The following MAN2A1 variants were observed in gnomAD, a reference collection of about 807,000 sequenced individuals.
MAN2A1 encodes the protein alpha-mannosidase 2.
Under a neutral mutation model 142.6 loss-of-function variants are expected in MAN2A1, and 76 were observed. The observed-to-expected ratio is 0.53, with a 90% CI of 0.44 to 0.65. The LOEUF is 0.65. Among genes scored for constraint, MAN2A1 ranks in the 30% least tolerant of loss-of-function variants. The pLI, the probability that MAN2A1 is intolerant of heterozygous loss-of-function variation, is 0.00. For synonymous variants in MAN2A1, 559 were observed against 473.2 expected (o/e 1.18, Z -2.35); for missense variants, 1,311 against 1,365.1 (o/e 0.96, Z 0.62).
chr5:109,734,277 C>A (rs551154891), intron 4 of MAN2A1, among the ~76,000 whole-genome samples: 14 of 147,436 alleles, frequency 9.5e-5, no homozygotes, highest in African/African-American at 2.8e-4. Context: ...GTCTTGCTAG[C>A]GGTCTATCAA....
At chr5:109,727,409 G>T (rs1010260795) in intron 3 of MAN2A1, among the ~76,000 whole-genome samples, 1 of 151,872 alleles carries the variant, frequency 6.6e-6, no homozygotes, top group African/African-American at 2.4e-5. Context: ...GTAGGATTAG[G>T]GCGTATCTTC....
At chr5:109,733,766 G>T in intron 4 of MAN2A1, among the ~76,000 whole-genome samples, 1 of 152,172 alleles carries the variant, frequency 6.6e-6, no homozygotes, top group East Asian at 1.9e-4. Flanking sequence ...CGGTTTGCCA[G>T]TATTTTATTG....
chr5:109,761,998 G>A (rs566317103), intron 5 of MAN2A1, among the ~76,000 whole-genome samples: 31 of 152,042 alleles, frequency 2.0e-4, no homozygotes, highest in East Asian at 1.9e-3. Context: ...TGGGAAAATA[G>A]GAAAAAATAA....
chr5:109,716,071 T>C, intron 2 of MAN2A1, 49 bp from the exon 3 acceptor site: 1 of 1,313,630 alleles, frequency 7.6e-7, no homozygotes. Context: ...TTTACCAACA[T>C]TAAATTAATA....
intron 16 of MAN2A1, among the ~76,000 whole-genome samples, chr5:109,834,151 A>G (rs1027487582): frequency 1.3e-5 from 2 of 152,188 alleles, no homozygotes; most frequent in Non-Finnish European, 2.9e-5. Context: ...AACAGGAAGT[A>G]GGTAAGTTCA....
At chr5:109,750,471 C>T (rs1006398769) in intron 4 of MAN2A1, among the ~76,000 whole-genome samples, 2 of 151,950 alleles carry the variant, frequency 1.3e-5, no homozygotes, top group Non-Finnish European at 2.9e-5. Context: ...GATTATTCTA[C>T]CAGGTATCAT....
chr5:109,742,191 G>C (rs1752286841), intron 4 of MAN2A1, among the ~76,000 whole-genome samples: 1 of 152,290 alleles, frequency 6.6e-6, no homozygotes, highest in South Asian at 2.1e-4. Flanking sequence ...TATTGCATCT[G>C]CTCTTGCTAT....
intron 4 of MAN2A1, among the ~76,000 whole-genome samples, chr5:109,749,748 A>C (rs1489012354): frequency 1.3e-5 from 2 of 152,048 alleles, no homozygotes. Context: ...ATTTTAATTT[A>C]AATTCTAATG....
intron 3 of MAN2A1, among the ~76,000 whole-genome samples, chr5:109,719,566 T>C (rs1057273369): frequency 1.3e-5 from 2 of 152,188 alleles, no homozygotes; most frequent in African/African-American, 4.8e-5. Flanking sequence ...CAGTGTTCTT[T>C]CTAAATGAGA....
chr5:109,782,418 A>G (rs1753484393), intron 9 of MAN2A1, among the ~76,000 whole-genome samples: 2 of 152,148 alleles, frequency 1.3e-5, no homozygotes, highest in East Asian at 1.9e-4. Flanking sequence ...ATGTGTGGCT[A>G]TGGCTACCAT....
intron 10 of MAN2A1, among the ~76,000 whole-genome samples, chr5:109,788,290 C>T (rs1341807049): frequency 6.6e-6 from 1 of 150,794 alleles, no homozygotes; most frequent in African/African-American, 2.4e-5. Flanking sequence ...GGATGTATTT[C>T]AGAATTGGTC....
chr5:109,826,405 T>A (rs1251050596), intron 16 of MAN2A1, among the ~76,000 whole-genome samples: 1 of 152,192 alleles, frequency 6.6e-6, no homozygotes, highest in Non-Finnish European at 1.5e-5. Context: ...CCTGTAAATC[T>A]TTTTTCATTC....
Position 109,867,075 on chromosome 5 carries a change from T to G in MAN2A1, c.*77T>G. On this transcript the variant is annotated 3_prime_UTR_variant, in exon 22 of 22. Coordinates refer to ENST00000261483, the MANE Select transcript of MAN2A1 (RefSeq NM_002372.4). Reference sequence around the variant, plus strand: ...GTTTGACGTGCAATAAAGAAGCACATTATTTTAGCTTCTGGCTACTGTGAG... The same window carrying G: ...GTTTGACGTGCAATAAAGAAGCACAGTATTTTAGCTTCTGGCTACTGTGAG... The G allele has an allele frequency of 1.7e-6, 2 of 1,182,954 alleles. No homozygotes were observed. The highest frequency in any genetic ancestry group is 2.3e-6 in the Non-Finnish European group (2 of 854,618). 73.3% of individuals were successfully genotyped at this position (1,182,954 alleles called of 1,614,324 possible).
chr5:109,739,054 C>G (rs1469034444), intron 4 of MAN2A1, among the ~76,000 whole-genome samples: 1 of 152,034 alleles, frequency 6.6e-6, no homozygotes, highest in Non-Finnish European at 1.5e-5. Flanking sequence ...GTTGCGCAGG[C>G]TGGTCTTGAA....
intron 4 of MAN2A1, among the ~76,000 whole-genome samples, chr5:109,754,620 G>A (rs1021284409): frequency 3.3e-5 from 5 of 152,174 alleles, no homozygotes; most frequent in Admixed American, 2.0e-4. Flanking sequence ...TAAATAATGT[G>A]CTTAAAGTGA....
chr5:109,728,251 T>TA (rs1344588444), intron 3 of MAN2A1, among the ~76,000 whole-genome samples: 3 of 152,130 alleles, frequency 2.0e-5, no homozygotes, highest in African/African-American at 4.8e-5. Flanking sequence ...GGCTTTTATT[T>TA]TTTATTTATT....
At chr5:109,784,148 A>G in intron 9 of MAN2A1, among the ~76,000 whole-genome samples, 1 of 152,126 alleles carries the variant, frequency 6.6e-6, no homozygotes, top group East Asian at 1.9e-4. Flanking sequence ...TGCCCAGCCG[A>G]CATACTGTTT....
chr5:109,714,541 T>G (rs1751400712), intron 2 of MAN2A1, among the ~76,000 whole-genome samples: 1 of 152,226 alleles, frequency 6.6e-6, no homozygotes, highest in African/African-American at 2.4e-5. Flanking sequence ...AAACCAGCAT[T>G]GGAAAGGACT....
intron 16 of MAN2A1, among the ~76,000 whole-genome samples, chr5:109,830,216 C>G (rs1754872002): frequency 1.3e-5 from 2 of 152,250 alleles, no homozygotes; most frequent in African/African-American, 4.8e-5. Flanking sequence ...TTGAAGACCC[C>G]TCTTATAAGG....
Sources: allele counts gnomAD v4.1 joint callset (sites outside exome capture counted in the v4.1 genomes callset), GRCh38; gene constraint gnomAD v4.1.1; transcripts MANE v1.5; gene names NCBI Gene and HGNC (gene_info 2026-07-23, HGNC 2026-07-21).